RDH10: variants seen among roughly 807,000 people sequenced by gnomAD.
RDH10 encodes the protein retinol dehydrogenase 10.
In RDH10, 12 loss-of-function variants were observed where a neutral mutation model predicts 30.2. The observed-to-expected ratio is 0.40, with a 90% CI of 0.25 to 0.64. The LOEUF is 0.64. Among genes scored for constraint, RDH10 ranks in the 30% least tolerant of loss-of-function variants. The pLI, the probability that RDH10 is intolerant of heterozygous loss-of-function variation, is 0.43. For missense variants in RDH10, 268 were observed against 445.2 expected (o/e 0.60, Z 3.58); for synonymous variants, 189 against 172.2 (o/e 1.10, Z -0.76).
At position 73,295,518 on chromosome 8, in the gene RDH10, G is replaced by A; in HGVS notation, c.229G>A (p.Ala77Thr). The A allele has an allele frequency of 6.4e-7, 1 of 1,555,830 alleles. No individual in the cohort carries two copies. Among genetic ancestry groups the A allele is most frequent in the Non-Finnish European group, 8.7e-7 (1 of 1,151,426 alleles). ...DINTQSNEETAGMVRHIYRDL... is the reference protein window; with the variant it reads ...DINTQSNEETTGMVRHIYRDL... ...CAACACGCAAAGCAACGAGGAGACG[G>A]CTGGCATGGTGCGCCACATCTACCG... Residue 77 changes from alanine (A) to threonine (T), a missense_variant, in exon 1 of 6, where the codon GCT becomes ACT. Coordinates refer to ENST00000240285, the MANE Select transcript of RDH10 (RefSeq NM_172037.5).
intron 2 of RDH10, chr8:73,297,998 G>T: frequency 6.3e-6 from 1 of 158,588 alleles, no homozygotes; most frequent in Admixed American, 5.9e-5. Context: ...CACCCTAATA[G>T]GACCCTAGAG....
intron 2 of RDH10, among the ~76,000 whole-genome samples, chr8:73,307,730 A>G (rs1268445356): frequency 6.6e-6 from 1 of 152,198 alleles, no homozygotes; most frequent in Non-Finnish European, 1.5e-5. Flanking sequence ...TACAAGTTCA[A>G]AGCTCCTGGT....
chr8:73,299,383 T>C (rs1814338501), intron 2 of RDH10, among the ~76,000 whole-genome samples: 1 of 152,182 alleles, frequency 6.6e-6, no homozygotes, highest in Non-Finnish European at 1.5e-5. Flanking sequence ...ACATAGAATT[T>C]ATCAAGAATC....
chr8:73,299,828 A>G (rs1213619774), intron 2 of RDH10, among the ~76,000 whole-genome samples: 2 of 152,262 alleles, frequency 1.3e-5, no homozygotes, highest in Non-Finnish European at 2.9e-5. Context: ...AATGAATGCT[A>G]ATTTAGTGTG....
chr8:73,301,666 G>T (rs1226264268), intron 2 of RDH10, among the ~76,000 whole-genome samples: 1 of 152,136 alleles, frequency 6.6e-6, no homozygotes, highest in Non-Finnish European at 1.5e-5. Flanking sequence ...TGAGGCAGGA[G>T]AATTGTTTGA....
chr8:73,303,763 A>G (rs1814422168), intron 2 of RDH10, among the ~76,000 whole-genome samples: 1 of 152,216 alleles, frequency 6.6e-6, no homozygotes, highest in Non-Finnish European at 1.5e-5. Flanking sequence ...TCACATGCTC[A>G]TTGAACTTTG....
intron 3 of RDH10, 122 bp from the exon 4 acceptor site, chr8:73,320,810 T>G: frequency 3.4e-6 from 3 of 889,632 alleles, no homozygotes; most frequent in Non-Finnish European, 5.2e-6. Flanking sequence ...TTTCTTTGTG[T>G]AGTCACCTGT....
chr8:73,301,769 G>T (rs939797530), intron 2 of RDH10, among the ~76,000 whole-genome samples: 2 of 152,110 alleles, frequency 1.3e-5, no homozygotes, highest in African/African-American at 4.8e-5. Flanking sequence ...AAAGAAAAAG[G>T]TGAGCATTAT....
At chr8:73,311,209 T>G (rs1278672604) in intron 2 of RDH10, 2 of 152,054 alleles carry the variant, frequency 1.3e-5, no homozygotes, top group Non-Finnish European at 2.9e-5. Context: ...CACAAATGAG[T>G]TTAGTCAAGA....
intron 1 of RDH10, 125 bp downstream of exon 1, chr8:73,295,703 G>A: frequency 2.8e-6 from 3 of 1,054,650 alleles, no homozygotes; most frequent in Middle Eastern, 3.0e-4. Flanking sequence ...CACCCCACCG[G>A]TCTTTTGGGA....
chr8:73,312,253 A>G (rs1814576708), intron 2 of RDH10: 1 of 152,166 alleles, frequency 6.6e-6, no homozygotes, highest in Admixed American at 6.5e-5. Flanking sequence ...GTCAATGTCT[A>G]CTCTTTCTTG....
chr8:73,321,528 G>T lies in RDH10; in HGVS notation c.770+451G>T, dbSNP rs150618805. Among the ~76,000 whole-genome samples, 541 of 152,200 alleles carry T rather than the reference G, an allele frequency of 3.6e-3. 4 individuals carry two copies. The highest frequency in any genetic ancestry group is 0.013 in the African/African-American group (525 of 41,550). ...CATTGAATATTACACTCCAGATTTG[G>T]AAACTTCCTTTTTGCAGCAAGCGTA... is the stretch of plus-strand genomic sequence containing the variant. On this transcript the variant is annotated intron_variant, in intron 4 of 5. Coordinates refer to ENST00000240285, the MANE Select transcript of RDH10 (RefSeq NM_172037.5).
chr8:73,298,549 G>A (rs1814319343), intron 2 of RDH10, among the ~76,000 whole-genome samples: 1 of 151,950 alleles, frequency 6.6e-6, no homozygotes. Flanking sequence ...TATTTTTCGA[G>A]ATGGAGTCTC....
chr8:73,306,253 A>T lies in RDH10; in HGVS notation c.525+8824A>T, dbSNP rs529652507. ...CAGTCACCTGCATCCCTGGGTTTAT[A>T]CAGGCCTATGCCATCCCCACACTGG... On this transcript the variant is annotated intron_variant, in intron 2 of 5. Transcript: ENST00000240285. Among the ~76,000 whole-genome samples, 9 of 152,360 alleles carry T rather than the reference A, an allele frequency of 5.9e-5. No individual in the cohort carries two copies. In the South Asian group the frequency reaches 1.9e-3, roughly 32 times the overall value.
chr8:73,315,512 C>T (rs1489635984), intron 2 of RDH10: 1 of 438,674 alleles, frequency 2.3e-6, no homozygotes, highest in South Asian at 1.6e-5. Flanking sequence ...CAGAACGTTG[C>T]AACAAATTAC....
intron 2 of RDH10, 95 bp downstream of exon 2, chr8:73,297,524 T>C (rs1814289112): frequency 1.2e-6 from 1 of 832,900 alleles, no homozygotes; most frequent in Non-Finnish European, 2.1e-6. Context: ...AAGCAACCTG[T>C]ACTCTTTCGC....
In RDH10 at chr8:73,324,718, T is replaced by C. The variant is rs1280051341; in HGVS notation, c.*1682T>C. The C allele has an allele frequency of 6.6e-6, 1 of 152,170 alleles. No homozygotes were observed. The highest frequency in any genetic ancestry group is 2.4e-5 in the African/African-American group (1 of 41,434). The allele number at this position is 152,170 out of a possible 1,614,324, so 9.4% of individuals were successfully genotyped here. A position where few individuals can be genotyped will look rare whatever the true frequency, so the allele number is the denominator to read the frequency against. ...ACAACCTAGGGTGCCTGCACTCAAA[T>C]AGCCGATGTTACTGTCCCTAGATTA... On this transcript the variant is annotated 3_prime_UTR_variant, in exon 6 of 6. Coordinates refer to ENST00000240285, the MANE Select transcript of RDH10 (RefSeq NM_172037.5).
chr8:73,307,795 G>A (rs553762512), intron 2 of RDH10, among the ~76,000 whole-genome samples: 1 of 152,220 alleles, frequency 6.6e-6, no homozygotes, highest in African/African-American at 2.4e-5. Flanking sequence ...GTGGTGTAGT[G>A]TAAGAATTAA....
At chr8:73,309,076 C>CAT (rs1814513121) in intron 2 of RDH10, among the ~76,000 whole-genome samples, 1 of 147,676 alleles carries the variant, frequency 6.8e-6, no homozygotes, top group African/African-American at 2.5e-5. Context: ...CCCTTACCCA[C>CAT]ATACACACAC....
Sources: allele counts gnomAD v4.1 joint callset (sites outside exome capture counted in the v4.1 genomes callset), GRCh38; gene constraint gnomAD v4.1.1; transcripts MANE v1.5; gene names NCBI Gene and HGNC (gene_info 2026-07-23, HGNC 2026-07-21).